The following KLF13 variants were observed in gnomAD, a reference collection of about 807,000 sequenced individuals.
KLF13 encodes KLF transcription factor 13.
A neutral mutation model predicts 16.7 loss-of-function variants in KLF13; 8 were observed. The ratio of observed to expected loss-of-function variants is 0.48; its 90% CI spans 0.28 to 0.87. KLF13 has a LOEUF of 0.87. Among genes scored for constraint, KLF13 ranks in the 40% least tolerant of loss-of-function variants. The pLI, the probability that KLF13 is intolerant of heterozygous loss-of-function variation, is 0.10. For missense variants in KLF13, 447 were observed against 452.2 expected (o/e 0.99, Z 0.10); for synonymous variants, 245 against 208.4 (o/e 1.18, Z -1.51).
chr15:31,425,641 C>T (rs1308143533), intron 1 of KLF13, among the ~76,000 whole-genome samples: 1 of 152,144 alleles, frequency 6.6e-6, no homozygotes, highest in African/African-American at 2.4e-5. Flanking sequence ...GTTTGGGAGG[C>T]TGAGGCGGGC....
downstream of KLF13, among the ~76,000 whole-genome samples, chr15:31,378,773 C>T (rs552122655): frequency 6.6e-6 from 1 of 152,314 alleles, no homozygotes; most frequent in East Asian, 1.9e-4. Context: ...GGCTGGAGTG[C>T]AATGGTGGCA....
chr15:31,350,268 G>T (rs1397660593), intron 1 of KLF13, among the ~76,000 whole-genome samples: 2 of 152,238 alleles, frequency 1.3e-5, no homozygotes, highest in Non-Finnish European at 2.9e-5. Context: ...ATTGGGGAGG[G>T]AGGGGATGAG....
rs1466700112 is a variant in KLF13 at position 31,343,630 on chromosome 15, T to C, written c.577+15841T>C. Among the ~76,000 whole-genome samples the C allele has an allele frequency of 3.3e-5, 5 of 152,332 alleles. No homozygotes were observed. In the East Asian group the frequency reaches 9.6e-4, roughly 29 times the overall value. On this transcript the variant is annotated intron_variant, in intron 1 of 1. Coordinates refer to ENST00000307145, the MANE Select transcript of KLF13 (RefSeq NM_015995.4). The stretch of plus-strand genomic sequence containing the variant: ...CCGCAGGAGCAAGAACTGGATTTCA[T>C]GTTAGGAGATGATTTCCAACTTCAA...
chr15:31,360,269 C>A lies in KLF13; in HGVS notation c.578-11741C>A, dbSNP rs559293826. 4.3e-4 allele frequency among the ~76,000 whole-genome samples: 65 copies of A among 152,324 alleles called. 1 individual carries two copies. Among genetic ancestry groups the A allele is most frequent in the African/African-American group, 1.5e-3 (64 of 41,576 alleles). On this transcript the variant is annotated intron_variant, in intron 1 of 1. Transcript: ENST00000307145. The stretch of plus-strand genomic sequence containing the variant: ...GGAGGAAGGTGTGGGCACGGACATG[C>A]AGCGGGCAGGCCTGTGCCGGGAAGA...
Position 31,374,354 on chromosome 15 carries a change from G to T in KLF13, c.*2055G>T, listed in dbSNP as rs1595482064. 6.6e-6 allele frequency: 1 copy of T among 152,414 alleles called. No homozygotes were observed. Among genetic ancestry groups the T allele is most frequent in the South Asian group, 2.1e-4 (1 of 4,816 alleles). The allele number at this position is 152,414 out of a possible 1,614,324, so 9.4% of individuals were successfully genotyped here. A position where few individuals can be genotyped will look rare whatever the true frequency, so the allele number is the denominator to read the frequency against. On this transcript the variant is annotated 3_prime_UTR_variant, in exon 2 of 2. Coordinates refer to ENST00000307145, the MANE Select transcript of KLF13 (RefSeq NM_015995.4). ...GTCACCTCCACTCTGGTTGGATGCG[G>T]AGCTGGTCCCTCTGGCTGCCATGCT... is the stretch of plus-strand genomic sequence containing the variant.
intron 1 of KLF13, among the ~76,000 whole-genome samples, chr15:31,358,396 C>T (rs1018384466): frequency 1.3e-5 from 2 of 152,244 alleles, no homozygotes; most frequent in African/African-American, 4.8e-5. Context: ...ATGAGAGCTC[C>T]AGTTGCTCCA....
chr15:31,327,285 C>T lies in KLF13; in HGVS notation c.73C>T (p.His25Tyr). The change falls in exon 1 of 2, where the codon CAC becomes TAC. Residue 25 changes from histidine to tyrosine, a missense_variant. Physicochemically the swap from His to Tyr is moderately conservative, Grantham distance 83. This residue lies in a region of KLF13 where 359 missense variants were observed against 282.8 expected (regional missense o/e 1.27). Transcript: ENST00000307145. ...LVSMSSRAVV[H>Y]GPREGPESRP... ...GTCCATGTCGAGCCGCGCGGTCGTG[C>T]ACGGGCCGCGGGAGGGGCCGGAGTC... 7.5e-7 allele frequency: 1 copy of T among 1,332,556 alleles called. No individual in the cohort carries two copies. The highest frequency in any genetic ancestry group is 9.6e-7 in the Non-Finnish European group (1 of 1,042,852). 82.5% of individuals were successfully genotyped at this position (1,332,556 alleles called of 1,614,324 possible).
chr15:31,422,334 C>A (rs1271113609), intron 1 of KLF13, among the ~76,000 whole-genome samples: 5 of 151,788 alleles, frequency 3.3e-5, no homozygotes, highest in African/African-American at 1.2e-4. Context: ...GCTGGAGAGA[C>A]CTCGGGAAAC....
At chr15:31,388,765 CAA>C (rs11310230), upstream of KLF13, among the ~76,000 whole-genome samples, 2,066 of 106,190 alleles carry the variant, frequency 0.019, 107 homozygotes, top group African/African-American at 0.07. Flanking sequence ...TAAAAAATCC[CAA>C]AAAAAAAAAA....
intron 1 of KLF13, among the ~76,000 whole-genome samples, chr15:31,341,907 G>A (rs572503559): frequency 6.6e-6 from 1 of 152,180 alleles, no homozygotes; most frequent in Non-Finnish European, 1.5e-5. Context: ...GGTACAGCCT[G>A]TGAGCTTCTG....
At chr15:31,391,528 C>G (rs2140983014), upstream of KLF13, among the ~76,000 whole-genome samples, 1 of 152,156 alleles carries the variant, frequency 6.6e-6, no homozygotes, top group East Asian at 1.9e-4. Flanking sequence ...CGGCCCAAGA[C>G]AAGGGTCAGC....
intron 1 of KLF13, among the ~76,000 whole-genome samples, chr15:31,412,199 CT>C (rs1466395882): frequency 2.0e-5 from 3 of 152,208 alleles, no homozygotes; most frequent in Non-Finnish European, 2.9e-5. Flanking sequence ...CAGCTAGAAG[CT>C]GCCATCTTTG....
chr15:31,408,217 A>G (rs1395539089), downstream of KLF13, among the ~76,000 whole-genome samples: 1 of 152,266 alleles, frequency 6.6e-6, no homozygotes, highest in Non-Finnish European at 1.5e-5. Context: ...AGCAATTAAT[A>G]GATTTCATAT....
At chr15:31,355,779 A>T (rs1351700596) in intron 1 of KLF13, among the ~76,000 whole-genome samples, 1 of 151,836 alleles carries the variant, frequency 6.6e-6, no homozygotes, top group African/African-American at 2.4e-5. Flanking sequence ...CCTTAGACTC[A>T]ATAGTTGCCA....
At chr15:31,379,538 G>A (rs112575701), downstream of KLF13, among the ~76,000 whole-genome samples, 2 of 152,182 alleles carry the variant, frequency 1.3e-5, no homozygotes, top group East Asian at 1.9e-4. Flanking sequence ...ACCATTCATG[G>A]AGCCCCCATC....
At chr15:31,386,956 GAA>G (rs910874590) in intron 1 of KLF13, among the ~76,000 whole-genome samples, 2 of 152,228 alleles carry the variant, frequency 1.3e-5, no homozygotes, top group South Asian at 4.2e-4. Flanking sequence ...TACTGCTCAG[GAA>G]AAAAGACTCC....
At chr15:31,431,816 A>C (rs1595519117) in intron 1 of KLF13, among the ~76,000 whole-genome samples, 1 of 152,348 alleles carries the variant, frequency 6.6e-6, no homozygotes, top group East Asian at 1.9e-4. Context: ...ATCTCAAACC[A>C]TGCAAACACT....
chr15:31,405,160 A>G (rs117007700), downstream of KLF13, among the ~76,000 whole-genome samples: 1 of 151,762 alleles, frequency 6.6e-6, no homozygotes, highest in Non-Finnish European at 1.5e-5. Flanking sequence ...AGTGCCTTAG[A>G]AAACAAGAGC....
intron 1 of KLF13, among the ~76,000 whole-genome samples, chr15:31,348,553 C>G (rs1335195047): frequency 2.0e-5 from 3 of 152,294 alleles, no homozygotes; most frequent in Non-Finnish European, 4.4e-5. Context: ...GGAAGCCCCT[C>G]CTGGCAGCCA....
Sources: allele counts gnomAD v4.1 joint callset (sites outside exome capture counted in the v4.1 genomes callset), GRCh38; gene constraint gnomAD v4.1.1; regional missense constraint gnomAD v4.1.1; transcripts MANE v1.5; gene names NCBI Gene and HGNC (gene_info 2026-07-23, HGNC 2026-07-21).